SRGAP2: variants seen among roughly 807,000 people sequenced by gnomAD.
The protein encoded by SRGAP2 is SLIT-ROBO Rho GTPase activating protein 2.
A neutral mutation model predicts 57.2 loss-of-function variants in SRGAP2; 15 were observed. The ratio of observed to expected loss-of-function variants is 0.26; its 90% CI spans 0.18 to 0.40. The LOEUF (loss-of-function observed/expected upper bound fraction) is 0.40, where lower values mean the gene tolerates loss of function less well. Ranked by LOEUF, SRGAP2 falls within the 10% of genes least tolerant of loss-of-function variation. The pLI, the probability that SRGAP2 is intolerant of heterozygous loss-of-function variation, is 1.00. For missense variants in SRGAP2, 520 were observed against 669.6 expected (o/e 0.78, Z 2.47); for synonymous variants, 249 against 248.0 (o/e 1.00, Z -0.04).
rs868926385 is a variant in SRGAP2, at chr1:206,353,724, T to A, written c.423+10716T>A. On this transcript the variant is annotated intron_variant, in intron 4 of 22. Coordinates refer to ENST00000573034, the MANE Select transcript of SRGAP2 (RefSeq NM_015326.5). ...AATAAATAAATAAATAAATAAATAATTAAAACAACCAATTCTTTCTTTTGT... is the reference window on the plus strand; with the variant it reads ...AATAAATAAATAAATAAATAAATAAATAAAACAACCAATTCTTTCTTTTGT... Among the ~76,000 whole-genome samples the A allele has an allele frequency of 5.6e-3, 797 of 142,530 alleles. 1 individual carries two copies. Among genetic ancestry groups the A allele is most frequent in the African/African-American group, 0.02 (692 of 35,474 alleles). 93.5% of individuals were successfully genotyped at this position (142,530 alleles called of 152,430 possible). A position where few individuals can be genotyped will look rare whatever the true frequency, so the allele number is the denominator to read the frequency against.
Position 206,397,671 on chromosome 1 carries a change from G to C in SRGAP2, c.832-3750G>C, listed in dbSNP as rs1272514322. Among the ~76,000 whole-genome samples the C allele has an allele frequency of 7.2e-4, 106 of 146,648 alleles. 4 individuals are homozygous for C. The highest frequency in any genetic ancestry group is 3.2e-3 in the Middle Eastern group (1 of 314). The stretch of plus-strand genomic sequence containing the variant: ...CCAAAAAGACGTTCTGAGCTCATTT[G>C]ATGGCATCTAAGAACGTAGGCTCAC... On this transcript the variant is annotated intron_variant, in intron 7 of 22. Transcript: ENST00000573034.
intron 4 of SRGAP2, among the ~76,000 whole-genome samples, chr1:206,371,320 C>G (rs1654527441): frequency 6.7e-6 from 1 of 149,108 alleles, no homozygotes; most frequent in African/African-American, 2.5e-5. Context: ...AAATATATCG[C>G]CAGCAGACTT....
intron 16 of SRGAP2, among the ~76,000 whole-genome samples, chr1:206,439,343 G>A (rs1263095242): frequency 6.6e-6 from 1 of 151,948 alleles, no homozygotes; most frequent in Non-Finnish European, 1.5e-5. Context: ...ATACCCAGGG[G>A]CCTGCTACCT....
At chr1:206,434,256 G>C (rs1362630200) in intron 14 of SRGAP2, among the ~76,000 whole-genome samples, 1 of 152,062 alleles carries the variant, frequency 6.6e-6, no homozygotes, top group Non-Finnish European at 1.5e-5. Context: ...GAAGAGAAGC[G>C]ATTTGAGGAA....
intron 10 of SRGAP2, among the ~76,000 whole-genome samples, chr1:206,413,753 T>A (rs1553360373): frequency 1.3e-5 from 2 of 152,096 alleles, no homozygotes. Flanking sequence ...TCTCTGACCA[T>A]AGAGAGGAGG....
chr1:206,304,502 A>T (rs1298336608), intron 3 of SRGAP2, among the ~76,000 whole-genome samples: 4 of 150,612 alleles, frequency 2.7e-5, no homozygotes, highest in Non-Finnish European at 5.9e-5. Context: ...TGATGAGCTT[A>T]AAAAAAATTG....
At position 206,393,643 on chromosome 1, in the gene SRGAP2, C is replaced by T. The variant is rs545508387; in HGVS notation, c.801C>T (p.Tyr267=). The part of the protein sequence containing the change: ...LEATNASVFK[Y]YIHDLSDLID... ...CAACCAATGCATCTGTCTTCAAGTA[C>T]TACATCCATGACCTATCTGACCTTA... The change falls in exon 7 of 23, where the codon TAC becomes TAT. Residue 267 remains tyrosine, a synonymous_variant. Coordinates refer to ENST00000573034, the MANE Select transcript of SRGAP2 (RefSeq NM_015326.5). The T allele has an allele frequency of 2.7e-6, 2 of 741,798 alleles. No individual in the cohort carries two copies. Among genetic ancestry groups the T allele is most frequent in the Admixed American group, 1.9e-5 (1 of 53,222 alleles). The allele number at this position is 741,798 out of a possible 1,614,324, so 46.0% of individuals were successfully genotyped here. A position where few individuals can be genotyped will look rare whatever the true frequency, so the allele number is the denominator to read the frequency against.
At position 206,461,549 on chromosome 1, in the gene SRGAP2, C is replaced by T. The variant is rs1664267104; in HGVS notation, c.*129C>T. On this transcript the variant is annotated 3_prime_UTR_variant, in exon 23 of 23. Transcript: ENST00000573034. Reference sequence around the variant, plus strand: ...CTAAGTTGTTCTTGCAGGAATTAGCCTCCCCGTCTCCCAAAACCTTGAGAA... The same window carrying T: ...CTAAGTTGTTCTTGCAGGAATTAGCTTCCCCGTCTCCCAAAACCTTGAGAA... 7.7e-6 allele frequency: 5 copies of T among 649,016 alleles called. No homozygotes were observed. In the Admixed American group the frequency reaches 1.0e-4, roughly 13 times the overall value. The allele number at this position is 649,016 out of a possible 1,614,324, so 40.2% of individuals were successfully genotyped here.
At chr1:206,378,291 G>A (rs1320469605) in intron 4 of SRGAP2, among the ~76,000 whole-genome samples, 1 of 152,070 alleles carries the variant, frequency 6.6e-6, no homozygotes, top group African/African-American at 2.4e-5. Flanking sequence ...ACCAGCCTGA[G>A]CAAACTCAGT....
chr1:206,240,788 C>T (rs1210189808), intron 2 of SRGAP2, among the ~76,000 whole-genome samples: 2 of 152,132 alleles, frequency 1.3e-5, no homozygotes, highest in Admixed American at 6.5e-5. Flanking sequence ...ATCCAGGATC[C>T]CAAAGTCTGC....
intron 15 of SRGAP2, chr1:206,437,600 G>A (rs575731002): frequency 4.9e-6 from 1 of 204,338 alleles, no homozygotes; most frequent in Non-Finnish European, 9.9e-6. Flanking sequence ...AGTCTCAGGA[G>A]CTGGCCTCCT....
chr1:206,342,236 T>A (rs1219780293), intron 3 of SRGAP2, among the ~76,000 whole-genome samples: 1 of 152,164 alleles, frequency 6.6e-6, no homozygotes, highest in Admixed American at 6.5e-5. Flanking sequence ...CTACAATGGA[T>A]ACATTTGTGG....
intron 2 of SRGAP2, among the ~76,000 whole-genome samples, chr1:206,263,830 C>A (rs1436145711): frequency 6.6e-6 from 1 of 151,636 alleles, no homozygotes; most frequent in South Asian, 2.1e-4. Context: ...AGAAAATAAA[C>A]AAGATCATGT....
At chr1:206,409,494 T>C (rs1231740858) in intron 10 of SRGAP2, among the ~76,000 whole-genome samples, 3 of 151,374 alleles carry the variant, frequency 2.0e-5, no homozygotes, top group African/African-American at 7.3e-5. Context: ...AATTAAAAAA[T>C]AAATAGGCCA....
intron 3 of SRGAP2, among the ~76,000 whole-genome samples, chr1:206,335,997 C>G (rs1225673888): frequency 6.6e-6 from 1 of 152,146 alleles, no homozygotes; most frequent in Non-Finnish European, 1.5e-5. Flanking sequence ...TTCAGGAAAT[C>G]GTAAGCACTT....
chr1:206,279,941 C>T (rs1409791140), intron 2 of SRGAP2, among the ~76,000 whole-genome samples: 4 of 150,986 alleles, frequency 2.6e-5, no homozygotes, highest in African/African-American at 7.3e-5. Flanking sequence ...CATTGGCGGG[C>T]GAGGGGGCAG....
intron 2 of SRGAP2, among the ~76,000 whole-genome samples, chr1:206,264,106 TA>T (rs1360954100): frequency 1.3e-5 from 2 of 152,140 alleles, no homozygotes; most frequent in Non-Finnish European, 2.9e-5. Context: ...TCTGCATCTT[TA>T]GAAACTCATT....
intron 2 of SRGAP2, among the ~76,000 whole-genome samples, chr1:206,213,654 T>G (rs1379357421): frequency 1.3e-5 from 2 of 151,996 alleles, no homozygotes; most frequent in South Asian, 2.1e-4. Context: ...GTGTGGTGGC[T>G]TACATCTGTA....
At chr1:206,435,471 C>G (rs753031688) in intron 14 of SRGAP2, among the ~76,000 whole-genome samples, 15 of 152,206 alleles carry the variant, frequency 9.9e-5, no homozygotes, top group Non-Finnish European at 1.9e-4. Context: ...AGATGCTAGT[C>G]CAGTCCAACC....
Sources: gnomAD v4.1 joint callset for allele counts (sites outside exome capture counted in the v4.1 genomes callset) on GRCh38, gnomAD v4.1.1 for gene constraint, MANE v1.5 for transcripts, NCBI Gene and HGNC (gene_info 2026-07-23, HGNC 2026-07-21) for gene names.